The following BRCA1 variants were observed in gnomAD, a reference collection of about 807,000 sequenced individuals.
BRCA1 encodes the protein BRCA1 DNA repair associated, also known as breast cancer type 1 susceptibility protein.
Under a neutral mutation model 173.7 loss-of-function variants are expected in BRCA1, and 140 were observed. The ratio of observed to expected loss-of-function variants is 0.81; its 90% CI spans 0.70 to 0.93. The LOEUF (loss-of-function observed/expected upper bound fraction) is 0.93. Among genes scored for constraint, BRCA1 ranks in the 40% least tolerant of loss-of-function variants. The pLI is 0.00. For missense variants in BRCA1, 1,983 were observed against 2,172.5 expected (o/e 0.91, Z 1.73); for synonymous variants, 662 against 756.0 (o/e 0.88, Z 2.04).
chr17:43,151,838 A>G (rs147229007), intron 1 of BRCA1, among the ~76,000 whole-genome samples: 228 of 152,302 alleles, frequency 1.5e-3, no homozygotes, highest in African/African-American at 5.1e-3. Context: ...CAAGGTTGCA[A>G]TGAGCTATGG....
At position 43,137,643 on chromosome 17, in the gene BRCA1, G is replaced by A. The variant is rs775832637; in HGVS notation, c.-19-13528C>T. ...TGCCTTTAATCCCAGCACTTTGGGA[G>A]GTCAAGGTGAGCGGATCACTTGAGG... On this transcript the variant is annotated intron_variant, in intron 1 of 7. Coordinates refer to the BRCA1 transcript ENST00000634433. Among the ~76,000 whole-genome samples the A allele has an allele frequency of 1.9e-4, 29 of 152,264 alleles. 2 individuals are homozygous for A. The East Asian group carries it at 5.4e-3, about 28-fold the overall frequency.
At chr17:43,091,090 G>A (rs2154260484) in intron 10 of BRCA1, 58 bp from the exon 11 acceptor site, 1 of 1,459,956 alleles carries the variant, frequency 6.8e-7, no homozygotes, top group Non-Finnish European at 9.5e-7. Flanking sequence ...GCTGCAACTT[G>A]CTGTGTCTTT....
At chr17:43,121,555 T>TG (rs2055574004) in intron 2 of BRCA1, among the ~76,000 whole-genome samples, 1 of 150,430 alleles carries the variant, frequency 6.6e-6, no homozygotes, top group Admixed American at 6.6e-5. Flanking sequence ...TGATGGCACA[T>TG]GCCTGCAATC....
chr17:43,147,065 C>T (rs1164275170), intron 1 of BRCA1, among the ~76,000 whole-genome samples: 5 of 151,994 alleles, frequency 3.3e-5, no homozygotes, highest in Non-Finnish European at 7.4e-5. Context: ...AGTGCAATGG[C>T]GTGATCTCGG....
rs431825408 is a variant in BRCA1 at position 43,076,589 on chromosome 17, A to T, written c.4383T>A (p.Ser1461Arg). Reference protein sequence around the residue: ...EKAVLTSQKSSEYPISQNPEG... With the variant: ...EKAVLTSQKSREYPISQNPEG... ...CTGGATTCTGGCTTATAGGGTATTCACTACTTTTCTGTGAAGTTAATACTG... is the reference window on the plus strand; with the variant it reads ...CTGGATTCTGGCTTATAGGGTATTCTCTACTTTTCTGTGAAGTTAATACTG... Residue 1461 changes from serine (S) to arginine (R), a missense_variant, in exon 13 of 23, where the codon AGT becomes AGA. Physicochemically the swap from Ser to Arg is moderately radical, Grantham distance 110 (BLOSUM62 -1). Coordinates refer to ENST00000357654, the MANE Select transcript of BRCA1 (RefSeq NM_007294.4). 1.2e-6 allele frequency: 2 copies of T among 1,613,656 alleles called. No individual in the cohort carries two copies. The highest frequency in any genetic ancestry group is 1.7e-6 in the Non-Finnish European group (2 of 1,179,808).
chr17:43,133,015 G>C (rs970843709), intron 1 of BRCA1: 1 of 151,968 alleles, frequency 6.6e-6, no homozygotes, highest in Non-Finnish European at 1.5e-5. Context: ...ATCGTGATCC[G>C]CTGTCCTCGG....
At chr17:43,084,221 G>A (rs552246630) in intron 11 of BRCA1, among the ~76,000 whole-genome samples, 1 of 152,136 alleles carries the variant, frequency 6.6e-6, no homozygotes, top group Non-Finnish European at 1.5e-5. Flanking sequence ...TAGTAGAAAT[G>A]GTGTTTCACC....
chr17:43,165,867 TA>T (rs1046033509), intron 1 of BRCA1: 16 of 151,606 alleles, frequency 1.1e-4, no homozygotes, highest in African/African-American at 1.7e-4. Flanking sequence ...TGAAAACCTT[TA>T]AAAAAAATTT....
rs2054560171 is a variant in BRCA1 at position 43,102,970 on chromosome 17, G to A, written c.441+1152C>T. 2.0e-5 allele frequency among the ~76,000 whole-genome samples: 3 copies of A among 149,010 alleles called. No individual in the cohort carries two copies. The South Asian group carries it at 6.4e-4, about 32-fold the overall frequency. The stretch of plus-strand genomic sequence containing the variant: ...CTACTTTTTTTTTTTTTTAATTGCA[G>A]AGACAGTGTCTCACTGTGTTGCCCA... On this transcript the variant is annotated intron_variant, in intron 6 of 22. Coordinates refer to ENST00000357654, the MANE Select transcript of BRCA1 (RefSeq NM_007294.4).
At chr17:43,139,553 A>G (rs979134750) in intron 1 of BRCA1, among the ~76,000 whole-genome samples, 3 of 151,940 alleles carry the variant, frequency 2.0e-5, no homozygotes, top group Non-Finnish European at 2.9e-5. Flanking sequence ...ATGGGGTTTC[A>G]CCATCTTGGC....
chr17:43,138,690 C>G (rs765502097), intron 1 of BRCA1: 16 of 779,160 alleles, frequency 2.1e-5, no homozygotes, highest in East Asian at 4.8e-5. Context: ...CATCAAGGCT[C>G]CCTTGCCAGC....
chr17:43,091,303 C>A (rs1164103531), intron 10 of BRCA1, 132 bp downstream of exon 10: 1 of 1,219,852 alleles, frequency 8.2e-7, no homozygotes, highest in East Asian at 2.5e-5. Flanking sequence ...TTAGGAGGAA[C>A]ATGTTTCAAG....
intron 7 of BRCA1, among the ~76,000 whole-genome samples, chr17:43,097,592 G>GAAAACA (rs1567804556): frequency 2.0e-5 from 3 of 151,850 alleles, no homozygotes; most frequent in African/African-American, 7.3e-5. Flanking sequence ...CGTTTCTACT[G>GAAAACA]AAAACAAAAA....
At chr17:43,071,537 G>T (rs906451418) in intron 14 of BRCA1, among the ~76,000 whole-genome samples, 3 of 86,148 alleles carry the variant, frequency 3.5e-5, no homozygotes, top group Non-Finnish European at 2.7e-5. Context: ...TATAATTTTA[G>T]AAACAATGTA....
chr17:43,098,445 G>A (rs886268454), intron 7 of BRCA1, among the ~76,000 whole-genome samples: 4 of 151,690 alleles, frequency 2.6e-5, no homozygotes, highest in Non-Finnish European at 4.4e-5. Flanking sequence ...TGTAACCTCC[G>A]CCTCCCTGGT....
At chr17:43,157,317 G>C (rs1431267755) in intron 1 of BRCA1, among the ~76,000 whole-genome samples, 1 of 152,158 alleles carries the variant, frequency 6.6e-6, no homozygotes, top group Admixed American at 6.5e-5. Flanking sequence ...ACTGCAAATT[G>C]TGCTATACTG....
rs746015176 is a variant in BRCA1 at position 43,138,493 on chromosome 17, CCTT to C, written c.-19-14381_-19-14379del. Reference sequence around the variant, plus strand: ...ATGTGACTCCACCGTAGACTCCATGCCTTCTTCTTTTGCAAAGCCTCGGACACC... The same window carrying C: ...ATGTGACTCCACCGTAGACTCCATGCCTTCTTTTGCAAAGCCTCGGACACC... On this transcript the variant is annotated intron_variant, in intron 1 of 7. Transcript: ENST00000634433. 47 of 630,046 alleles carry C rather than the reference CCTT, an allele frequency of 7.5e-5. No homozygotes were observed. The East Asian group carries it at 9.3e-4, about 12-fold the overall frequency. 39.0% of individuals were successfully genotyped at this position (630,046 alleles called of 1,614,324 possible).
In BRCA1 at chr17:43,093,476, A is replaced by T; in HGVS notation, c.2055T>A (p.Asn685Lys). 3 of 1,614,070 alleles carry T rather than the reference A, an allele frequency of 1.9e-6. No homozygotes were observed. Among genetic ancestry groups the T allele is most frequent in the Non-Finnish European group, 2.5e-6 (3 of 1,180,004 alleles). ...ATGAKKSNKP[N>K]EQTSKRHDSD... ...TGTCATGTCTTTTACTTGTCTGTTC[A>T]TTTGGCTTGTTACTCTTCTTGGCTC... Residue 685 changes from asparagine to lysine, a missense_variant, in exon 10 of 23, where the codon AAT becomes AAA. Physicochemically the swap from Asn to Lys is moderately conservative, Grantham distance 94 (BLOSUM62 0). Transcript: ENST00000357654.
At position 43,091,739 on chromosome 17, in the gene BRCA1, C is replaced by T. The variant is rs894781955; in HGVS notation, c.3792G>A (p.Lys1264=). The T allele has an allele frequency of 6.2e-7, 1 of 1,614,234 alleles. No individual in the cohort carries two copies. The highest frequency in any genetic ancestry group is 1.3e-5 in the African/African-American group (1 of 75,064). The change falls in exon 10 of 23, where the codon AAG becomes AAA. Residue 1264 remains lysine (K), a synonymous_variant. Transcript: ENST00000357654. The part of the protein sequence containing the change: ...KNTEENLLSL[K]NSLNDCSNQV... ...GGTTACTGCAGTCATTTAAGCTATT[C>T]TTCAATGATAATAAATTCTCCTCTG...
Sources: allele counts gnomAD v4.1 joint callset (sites outside exome capture counted in the v4.1 genomes callset), GRCh38; gene constraint gnomAD v4.1.1; transcripts MANE v1.5; gene names NCBI Gene and HGNC (gene_info 2026-07-23, HGNC 2026-07-21).